TMEM100: variants seen among roughly 807,000 people sequenced by gnomAD.
TMEM100 encodes transmembrane protein 100.
For missense variants in TMEM100, 137 were observed against 168.2 expected (o/e 0.81, Z 1.02); for synonymous variants, 61 against 67.1 (o/e 0.91, Z 0.44).
upstream of TMEM100, among the ~76,000 whole-genome samples, chr17:55,726,118 C>G (rs1355798522): frequency 6.6e-6 from 1 of 152,076 alleles, no homozygotes. Context: ...CCTATTGGTG[C>G]TCTTCATTGG....
At chr17:55,724,984 C>T (rs569389215), upstream of TMEM100, among the ~76,000 whole-genome samples, 5 of 152,286 alleles carry the variant, frequency 3.3e-5, 1 homozygote, top group East Asian at 9.6e-4. Flanking sequence ...CATCTCTAGA[C>T]TCTGAGTAGA....
Position 55,720,506 on chromosome 17 carries a change from C to G in TMEM100, c.*160G>C. ...GTTTGTCGTTAAAGAAGACATGAGTCATTCCTCACAAAGGAGAAGCCCCTC... is the reference window on the plus strand; with the variant it reads ...GTTTGTCGTTAAAGAAGACATGAGTGATTCCTCACAAAGGAGAAGCCCCTC... On this transcript the variant is annotated 3_prime_UTR_variant, in exon 2 of 2. Transcript: ENST00000424486. 1 of 894,838 alleles carries G rather than the reference C, an allele frequency of 1.1e-6. No individual in the cohort carries two copies. Among genetic ancestry groups the G allele is most frequent in the Non-Finnish European group, 1.7e-6 (1 of 601,310 alleles). The allele number at this position is 894,838 out of a possible 1,614,324, so 55.4% of individuals were successfully genotyped here.
At chr17:55,722,015 G>C (rs1399914571) in intron 1 of TMEM100, among the ~76,000 whole-genome samples, 1 of 152,114 alleles carries the variant, frequency 6.6e-6, no homozygotes, top group African/African-American at 2.4e-5. Context: ...TAGGTTTTCA[G>C]GAAACTTTCA....
exon 2 of TMEM100, chr17:55,727,905 T>A (rs138056219): frequency 5.1e-4 from 78 of 152,346 alleles, no homozygotes; most frequent in African/African-American, 1.9e-3. Flanking sequence ...AAAGCACAGT[T>A]TAAACCATAG....
At chr17:55,727,131 C>T (rs1909093182), upstream of TMEM100, among the ~76,000 whole-genome samples, 1 of 152,190 alleles carries the variant, frequency 6.6e-6, no homozygotes, top group Admixed American at 6.5e-5. Flanking sequence ...AGTAAATAAT[C>T]TCTCACTTCA....
chr17:55,731,002 A>G (rs569954134), intron 1 of TMEM100, among the ~76,000 whole-genome samples: 23 of 152,346 alleles, frequency 1.5e-4, no homozygotes, highest in Middle Eastern at 3.4e-3. Context: ...ACACAGCCAC[A>G]GAATGAGAAC....
At position 55,720,536 on chromosome 17, in the gene TMEM100, C is replaced by A; in HGVS notation, c.*130G>T. 1.0e-6 allele frequency: 1 copy of A among 971,806 alleles called. No homozygotes were observed. The allele number at this position is 971,806 out of a possible 1,614,324, so 60.2% of individuals were successfully genotyped here. A position where few individuals can be genotyped will look rare whatever the true frequency, so the allele number is the denominator to read the frequency against. ...CTCACAAAGGAGAAGCCCCTCCACC[C>A]TCCCACCCCCATTCTTCCAGTCTGC... On this transcript the variant is annotated 3_prime_UTR_variant, in exon 2 of 2. Coordinates refer to ENST00000424486, the MANE Select transcript of TMEM100 (RefSeq NM_018286.3).
At chr17:55,723,528 G>A (rs1488134943), upstream of TMEM100, among the ~76,000 whole-genome samples, 1 of 152,150 alleles carries the variant, frequency 6.6e-6, no homozygotes, top group African/African-American at 2.4e-5. Flanking sequence ...ACCATTTATA[G>A]AGCACCTACT....
At chr17:55,724,799 T>C (rs1909019617), upstream of TMEM100, among the ~76,000 whole-genome samples, 1 of 152,230 alleles carries the variant, frequency 6.6e-6, no homozygotes, top group Non-Finnish European at 1.5e-5. Context: ...TTTTTCATAG[T>C]AAGCCCTTGA....
Position 55,720,415 on chromosome 17 carries a change from C to T in TMEM100, c.*251G>A. ...TGTCTAATGCTGTGCACTCCCATGA[C>T]CCCCAAAGTGTTTCATGTAAATAGA... is the stretch of plus-strand genomic sequence containing the variant. On this transcript the variant is annotated 3_prime_UTR_variant, in exon 2 of 2. Coordinates refer to ENST00000424486, the MANE Select transcript of TMEM100 (RefSeq NM_018286.3). The T allele has an allele frequency of 3.8e-6, 2 of 524,432 alleles. No homozygotes were observed. Among genetic ancestry groups the T allele is most frequent in the African/African-American group, 1.9e-5 (1 of 52,826 alleles). The allele number at this position is 524,432 out of a possible 1,614,324, so 32.5% of individuals were successfully genotyped here.
upstream of TMEM100, among the ~76,000 whole-genome samples, chr17:55,727,547 G>A (rs1909102998): frequency 6.6e-6 from 1 of 152,104 alleles, no homozygotes; most frequent in African/African-American, 2.4e-5. Context: ...TCGTTTACAG[G>A]AGAAATCTCC....
intron 1 of TMEM100, chr17:55,721,598 C>T (rs1908891499): frequency 1.3e-5 from 2 of 153,702 alleles, no homozygotes; most frequent in Non-Finnish European, 2.9e-5. Context: ...CACCCATTGG[C>T]TGCCCACAAA....
At chr17:55,723,011 C>T (rs1379483218), upstream of TMEM100, 3 of 152,026 alleles carry the variant, frequency 2.0e-5, no homozygotes, top group Non-Finnish European at 4.4e-5. Flanking sequence ...ATGATGAGTC[C>T]GAATCATTTC....
In TMEM100 at chr17:55,720,602, G is replaced by A; in HGVS notation, c.*64C>T. 1 of 1,536,302 alleles carries A rather than the reference G, an allele frequency of 6.5e-7. No individual in the cohort carries two copies. Among genetic ancestry groups the A allele is most frequent in the East Asian group, 2.3e-5 (1 of 44,382 alleles). On this transcript the variant is annotated 3_prime_UTR_variant, in exon 2 of 2. Coordinates refer to ENST00000424486, the MANE Select transcript of TMEM100 (RefSeq NM_018286.3). ...GTTCTCTCCCACCATGGTTCTGGGT[G>A]AATTGGGTGACAAAGTCAGAGCACG...
chr17:55,730,795 T>C (rs1909186121), intron 1 of TMEM100, among the ~76,000 whole-genome samples: 1 of 152,244 alleles, frequency 6.6e-6, no homozygotes, highest in Non-Finnish European at 1.5e-5. Flanking sequence ...CTAATGAACT[T>C]ATCTTATGGA....
At chr17:55,723,025 A>G (rs1306727825), upstream of TMEM100, 1 of 151,982 alleles carries the variant, frequency 6.6e-6, no homozygotes, top group African/African-American at 2.4e-5. Flanking sequence ...TCATTTCTAC[A>G]GATTCCCCAG....
upstream of TMEM100, among the ~76,000 whole-genome samples, chr17:55,724,770 A>C (rs1567922788): frequency 6.6e-6 from 1 of 152,232 alleles, no homozygotes. Context: ...GAACGTCTAG[A>C]GAGAGGACAA....
chr17:55,726,896 A>G (rs374990253), upstream of TMEM100, among the ~76,000 whole-genome samples: 15 of 152,322 alleles, frequency 9.8e-5, 2 homozygotes, highest in Admixed American at 7.2e-4. Flanking sequence ...GACATTAAAT[A>G]GAGAGATCTG....
Position 55,720,600 on chromosome 17 carries a change from G to A in TMEM100, c.*66C>T. On this transcript the variant is annotated 3_prime_UTR_variant, in exon 2 of 2. Coordinates refer to ENST00000424486, the MANE Select transcript of TMEM100 (RefSeq NM_018286.3). ...CTGTTCTCTCCCACCATGGTTCTGG[G>A]TGAATTGGGTGACAAAGTCAGAGCA... 1 of 1,535,338 alleles carries A rather than the reference G, an allele frequency of 6.5e-7. No individual in the cohort carries two copies. Among genetic ancestry groups the A allele is most frequent in the Non-Finnish European group, 8.7e-7 (1 of 1,143,554 alleles).
Sources: allele counts gnomAD v4.1 joint callset (sites outside exome capture counted in the v4.1 genomes callset), GRCh38; gene constraint gnomAD v4.1.1; transcripts MANE v1.5; gene names NCBI Gene and HGNC (gene_info 2026-07-23, HGNC 2026-07-21).